The following SLC16A14 variants were observed in gnomAD, a reference collection of about 807,000 sequenced individuals.
SLC16A14 encodes the protein monocarboxylate transporter 14.
SLC16A14 carries 14 observed loss-of-function variants against 35.8 expected under a neutral mutation model. That is an observed-to-expected ratio of 0.39 (90% CI 0.26 to 0.61). The LOEUF is 0.61. SLC16A14 is among the 20% of genes least tolerant of loss of function. SLC16A14 has a pLI of 0.51. For synonymous variants in SLC16A14, 248 were observed against 258.9 expected (o/e 0.96, Z 0.40); for missense variants, 533 against 655.0 (o/e 0.81, Z 2.03).
rs2077525413 is a variant in SLC16A14 at position 230,037,191 on chromosome 2, C to T, written c.*189G>A. 3 of 451,308 alleles carry T rather than the reference C, an allele frequency of 6.6e-6. No homozygotes were observed. The highest frequency in any genetic ancestry group is 1.2e-5 in the Non-Finnish European group (3 of 255,286). 28.0% of individuals were successfully genotyped at this position (451,308 alleles called of 1,614,324 possible). A position where few individuals can be genotyped will look rare whatever the true frequency, so the allele number is the denominator to read the frequency against. On this transcript the variant is annotated 3_prime_UTR_variant, in exon 5 of 5. Transcript: ENST00000295190. ...AATGTATGTAGTCCTTAAGATCTTC[C>T]AGCATTACATCTCCCCAAACAGAGA...
rs931355463 is a variant in SLC16A14 at position 230,038,930 on chromosome 2, A to G, written c.1382-1399T>C. On this transcript the variant is annotated intron_variant, in intron 4 of 4. Transcript: ENST00000295190. The surrounding 1 kb of genome is among the most constrained non-coding windows in gnomAD (Gnocchi z 4.4). ...TCAAAAAATAAAATGAAATAAAAAA[A>G]TAAGATTTTATGATCAAACATAGTA... Among the ~76,000 whole-genome samples, 3 of 152,186 alleles carry G rather than the reference A, an allele frequency of 2.0e-5. No homozygotes were observed. Among genetic ancestry groups the G allele is most frequent in the African/African-American group, 7.2e-5 (3 of 41,448 alleles).
At position 230,037,286 on chromosome 2, in the gene SLC16A14, A is replaced by C; in HGVS notation, c.*94T>G. 1.6e-6 allele frequency: 2 copies of C among 1,236,264 alleles called. No homozygotes were observed. Among genetic ancestry groups the C allele is most frequent in the South Asian group, 3.4e-5 (2 of 58,042 alleles). 76.6% of individuals were successfully genotyped at this position (1,236,264 alleles called of 1,614,324 possible). Reference sequence around the variant, plus strand: ...ATGACAGTGCCAGTTACCGTACAAAATGCTTTCCCACGTCCTGTCATAGGT... The same window carrying C: ...ATGACAGTGCCAGTTACCGTACAAACTGCTTTCCCACGTCCTGTCATAGGT... On this transcript the variant is annotated 3_prime_UTR_variant, in exon 5 of 5. Coordinates refer to ENST00000295190, the MANE Select transcript of SLC16A14 (RefSeq NM_152527.5).
intron 1 of SLC16A14, among the ~76,000 whole-genome samples, chr2:230,065,631 A>G (rs1041582206): frequency 2.0e-5 from 3 of 152,082 alleles, no homozygotes; most frequent in African/African-American, 7.2e-5. Flanking sequence ...TCACACTTAA[A>G]TCTCTCCAAA....
intron 2 of SLC16A14, among the ~76,000 whole-genome samples, chr2:230,050,350 G>A (rs1042848560): frequency 2.5e-4 from 38 of 152,316 alleles, no homozygotes; most frequent in East Asian, 5.8e-4. Flanking sequence ...GGCTGAGCCC[G>A]TTTGACTGGG....
At position 230,068,920 on chromosome 2, in the gene SLC16A14, A is replaced by G. The variant is rs2077827590; in HGVS notation, c.-380T>C. On this transcript the variant is annotated 5_prime_UTR_variant, in exon 1 of 5. Transcript: ENST00000295190. This position sits in a 1 kb window ranked among gnomAD's most constrained non-coding sequence, Gnocchi z 5.1. ...TGCTCGTTCATTCCTATACCGGCTAATTCTGGTTTGGCAGGGAAAAAAAAT... is the reference window on the plus strand; with the variant it reads ...TGCTCGTTCATTCCTATACCGGCTAGTTCTGGTTTGGCAGGGAAAAAAAAT... 1 of 152,190 alleles carries G rather than the reference A, an allele frequency of 6.6e-6. No individual in the cohort carries two copies. The highest frequency in any genetic ancestry group is 1.5e-5 in the Non-Finnish European group (1 of 68,066). 9.4% of individuals were successfully genotyped at this position (152,190 alleles called of 1,614,324 possible). A position where few individuals can be genotyped will look rare whatever the true frequency, so the allele number is the denominator to read the frequency against.
intron 3 of SLC16A14, among the ~76,000 whole-genome samples, chr2:230,047,281 A>G (rs1347406098): frequency 6.7e-6 from 1 of 149,426 alleles, no homozygotes; most frequent in South Asian, 2.1e-4. Context: ...AGAGTTTCTA[A>G]TGTACTCAGG....
intron 2 of SLC16A14, among the ~76,000 whole-genome samples, chr2:230,056,891 A>G (rs994828924): frequency 4.6e-5 from 7 of 151,434 alleles, no homozygotes; most frequent in African/African-American, 1.5e-4. Context: ...AAAAAAAAAA[A>G]AAAAAAAAAA....
chr2:230,063,327 GC>G (rs2106280271), intron 1 of SLC16A14, among the ~76,000 whole-genome samples: 1 of 143,768 alleles, frequency 7.0e-6, no homozygotes, highest in South Asian at 2.2e-4. Context: ...AATTTCTTCA[GC>G]CCTTCGAATT....
At chr2:230,041,537 G>T (rs766430416) in intron 4 of SLC16A14, among the ~76,000 whole-genome samples, 13 of 151,892 alleles carry the variant, frequency 8.6e-5, no homozygotes, top group Non-Finnish European at 1.8e-4. Flanking sequence ...CACCTTGTTG[G>T]CCAGGCTGTC....
intron 3 of SLC16A14, 69 bp downstream of exon 3, chr2:230,049,692 A>T (rs371301186): frequency 6.5e-7 from 1 of 1,541,752 alleles, no homozygotes. Flanking sequence ...TTTTCTCCAC[A>T]ATTAAATCCA....
chr2:230,045,229 A>G (rs1315599016), intron 4 of SLC16A14, among the ~76,000 whole-genome samples: 4 of 152,212 alleles, frequency 2.6e-5, no homozygotes, highest in Admixed American at 2.6e-4. Flanking sequence ...GATAGGATCA[A>G]AAGTTCATCT....
intron 1 of SLC16A14, chr2:230,066,810 A>G (rs1440555197): frequency 1.1e-5 from 3 of 273,374 alleles, no homozygotes; most frequent in Non-Finnish European, 2.2e-5. Flanking sequence ...TATCTTTAGT[A>G]GAGAAGGGGT....
rs1357521345 is a variant in SLC16A14 at position 230,068,613 on chromosome 2, G to C, written c.-73C>G. 6.5e-6 allele frequency: 1 copy of C among 152,758 alleles called. No homozygotes were observed. Among genetic ancestry groups the C allele is most frequent in the East Asian group, 1.9e-4 (1 of 5,170 alleles). The allele number at this position is 152,758 out of a possible 1,614,324, so 9.5% of individuals were successfully genotyped here. On this transcript the variant is annotated 5_prime_UTR_variant, in exon 1 of 5. Transcript: ENST00000295190. The surrounding 1 kb of genome is among the most constrained non-coding windows in gnomAD (Gnocchi z 5.1). ...GCTCCACGCCCGGATCCTCGAACTT[G>C]CTGCTCTGCTTGGAGCCCCCTGAGC...
chr2:230,038,237 A>C lies in SLC16A14; in HGVS notation c.1382-706T>G, dbSNP rs1165861540. On this transcript the variant is annotated intron_variant, in intron 4 of 4. Transcript: ENST00000295190. The surrounding 1 kb of genome is among the most constrained non-coding windows in gnomAD (Gnocchi z 4.4). ...GCTTAATATAATAATCTTATTAGACATTCTGTAAAATACCACTATATTTCA... is the reference window on the plus strand; with the variant it reads ...GCTTAATATAATAATCTTATTAGACCTTCTGTAAAATACCACTATATTTCA... 6.6e-6 allele frequency among the ~76,000 whole-genome samples: 1 copy of C among 152,224 alleles called. No homozygotes were observed. The highest frequency in any genetic ancestry group is 1.5e-5 in the Non-Finnish European group (1 of 68,034).
intron 4 of SLC16A14, among the ~76,000 whole-genome samples, chr2:230,045,406 A>C (rs558617419): frequency 6.6e-6 from 1 of 152,268 alleles, no homozygotes; most frequent in South Asian, 2.1e-4. Context: ...CAAAAACATA[A>C]AAAATTAGCC....
Position 230,059,136 on chromosome 2 carries a change from C to CG in SLC16A14, c.216dup (p.Ala73ArgfsTer23). 6.2e-7 allele frequency: 1 copy of CG among 1,613,986 alleles called. No homozygotes were observed. Among genetic ancestry groups the CG allele is most frequent in the Non-Finnish European group, 8.5e-7 (1 of 1,179,948 alleles). On this transcript the variant is annotated frameshift_variant, in exon 2 of 5. Coordinates refer to ENST00000295190, the MANE Select transcript of SLC16A14 (RefSeq NM_152527.5). LOFTEE classifies it high-confidence loss of function. ...CCCATGCTGAGGGAGCTGACCCAGGCGGTCAGGCCGCGGCTCTGGTGGAAT... is the reference window on the plus strand; with the variant it reads ...CCCATGCTGAGGGAGCTGACCCAGGCGGGTCAGGCCGCGGCTCTGGTGGAAT...
chr2:230,065,758 C>T (rs1409564248), intron 1 of SLC16A14, among the ~76,000 whole-genome samples: 1 of 151,938 alleles, frequency 6.6e-6, no homozygotes, highest in Non-Finnish European at 1.5e-5. Flanking sequence ...TTGTAGCATT[C>T]ATATAATTAT....
At position 230,059,236 on chromosome 2, in the gene SLC16A14, G is replaced by A. The variant is rs767479944; in HGVS notation, c.117C>T (p.Ser39=). ...DGGWAWMMVL[S]SFFVHILIMG... ...TGATGAGGATGTGCACAAAGAAAGA[G>A]GAGAGCACCATCATCCAAGCCCATC... The change falls in exon 2 of 5, where the codon TCC becomes TCT. Residue 39 remains serine, a synonymous_variant. Transcript: ENST00000295190. 6 of 1,614,202 alleles carry A rather than the reference G, an allele frequency of 3.7e-6. No homozygotes were observed. Among genetic ancestry groups the A allele is most frequent in the Non-Finnish European group, 5.1e-6 (6 of 1,180,038 alleles).
In SLC16A14 at chr2:230,038,981, C is replaced by A. The variant is rs1198208240; in HGVS notation, c.1382-1450G>T. On this transcript the variant is annotated intron_variant, in intron 4 of 4. Transcript: ENST00000295190. The surrounding 1 kb of genome is among the most constrained non-coding windows in gnomAD (Gnocchi z 4.4). ...TTCCGTGGCCACTTTTCAGAAACAT[C>A]TTTAAAAAAATCGAATTGGCAAATG... is the stretch of plus-strand genomic sequence containing the variant. Among the ~76,000 whole-genome samples, 1 of 152,038 alleles carries A rather than the reference C, an allele frequency of 6.6e-6. No individual in the cohort carries two copies. The highest frequency in any genetic ancestry group is 1.5e-5 in the Non-Finnish European group (1 of 67,996).
Sources: gnomAD v4.1 joint callset for allele counts (sites outside exome capture counted in the v4.1 genomes callset) on GRCh38, gnomAD v4.1.1 for gene constraint, Gnocchi (gnomAD v3.1) non-coding constraint, MANE v1.5 for transcripts, NCBI Gene and HGNC (gene_info 2026-07-23, HGNC 2026-07-21) for gene names.